Variants in SLIT2 observed in about 807,000 individuals in gnomAD.
The protein encoded by SLIT2 is slit guidance ligand 2, also known as slit homolog 2 protein.
SLIT2 carries 41 observed loss-of-function variants against 185.7 expected under a neutral mutation model. The ratio of observed to expected loss-of-function variants is 0.22; its 90% confidence interval spans 0.17 to 0.29. SLIT2 has a LOEUF of 0.29. Ranked by LOEUF, SLIT2 falls within the 10% of genes least tolerant of loss-of-function variation. The pLI is 1.00. For missense variants in SLIT2, 1,571 were observed against 1,909.0 expected, an observed-to-expected ratio of 0.82 and a Z score of 3.30; for synonymous variants, 693 against 680.2, an observed-to-expected ratio of 1.02 and a Z score of -0.29.
chr4:20,612,752 C>A (rs1578024177), intron 34 of SLIT2, among the ~76,000 whole-genome samples: 1 of 151,962 alleles, frequency 6.6e-6, no homozygotes, highest in African/African-American at 2.4e-5. Context: ...CCCGTCTCTA[C>A]TAAAAACTAC....
chr4:20,499,515 A>G (rs1281571334), intron 9 of SLIT2, among the ~76,000 whole-genome samples: 1 of 152,080 alleles, frequency 6.6e-6, no homozygotes, highest in Non-Finnish European at 1.5e-5. Flanking sequence ...TTTGAGACAG[A>G]GTCTCGCTCT....
At chr4:20,567,467 G>A (rs1028634461) in intron 27 of SLIT2, 51 bp from the exon 28 acceptor site, 1 of 1,609,460 alleles carries the variant, frequency 6.2e-7, no homozygotes, top group Non-Finnish European at 8.5e-7. Context: ...TGTGCTTTCT[G>A]TATGTGCCAA....
intron 4 of SLIT2, among the ~76,000 whole-genome samples, chr4:20,362,376 G>T (rs1445274923): frequency 1.3e-5 from 2 of 152,092 alleles, no homozygotes; most frequent in Admixed American, 6.6e-5. Context: ...CTCGGAAGAG[G>T]CAGGCTCTCA....
intron 4 of SLIT2, among the ~76,000 whole-genome samples, chr4:20,276,034 T>C: frequency 6.6e-6 from 1 of 152,132 alleles, no homozygotes; most frequent in East Asian, 1.9e-4. Flanking sequence ...ATTACTCTGT[T>C]AGCTTTGTAA....
chr4:20,618,349 G>A (rs965444076), intron 36 of SLIT2, among the ~76,000 whole-genome samples: 1 of 152,164 alleles, frequency 6.6e-6, no homozygotes, highest in Non-Finnish European at 1.5e-5. Flanking sequence ...TTAATGGAAT[G>A]TTACTTGTAT....
At chr4:20,472,263 T>TAG (rs1560452541) in intron 5 of SLIT2, among the ~76,000 whole-genome samples, 2 of 58,074 alleles carry the variant, frequency 3.4e-5, no homozygotes, top group Admixed American at 2.6e-4. Flanking sequence ...TAGATCTATA[T>TAG]ATAGATATAT....
At chr4:20,333,166 C>T (rs988149662) in intron 4 of SLIT2, among the ~76,000 whole-genome samples, 1 of 151,890 alleles carries the variant, frequency 6.6e-6, no homozygotes, top group Non-Finnish European at 1.5e-5. Context: ...AAATGAAAGC[C>T]GTTAAGCTTT....
chr4:20,374,179 G>A (rs1352555138), intron 4 of SLIT2, among the ~76,000 whole-genome samples: 4 of 152,170 alleles, frequency 2.6e-5, no homozygotes, highest in Admixed American at 2.6e-4. Flanking sequence ...AATTATATGC[G>A]ATGATACATG....
chr4:20,573,171 G>T (rs1415668358), intron 29 of SLIT2: 1 of 702,596 alleles, frequency 1.4e-6, no homozygotes, highest in Non-Finnish European at 2.6e-6. Flanking sequence ...TTGGCTTCCT[G>T]TGCTCTGCTG....
intron 9 of SLIT2, among the ~76,000 whole-genome samples, chr4:20,493,890 G>A (rs1718003098): frequency 6.6e-6 from 1 of 152,172 alleles, no homozygotes; most frequent in African/African-American, 2.4e-5. Flanking sequence ...AAGGCTTTCA[G>A]AATTAATGCA....
Position 20,511,107 on chromosome 4 carries a change from C to T in SLIT2, c.1028C>T (p.Ala343Val). 1 of 1,607,594 alleles carries T rather than the reference C, an allele frequency of 6.2e-7. No homozygotes were observed. Among genetic ancestry groups the T allele is most frequent in the Non-Finnish European group, 8.5e-7 (1 of 1,174,910 alleles). The change falls in exon 11 of 37, where the codon GCT (alanine) becomes GTT (valine). Residue 343 changes from alanine (A) to valine (V), a missense_variant. Coordinates refer to ENST00000504154, the MANE Select transcript of SLIT2 (RefSeq NM_004787.4). ...CAGATCTCTGAACTTGCACCAGATG[C>T]TTTCCAAGGACTACGCTCTCTGAAT... ...NNQISELAPD[A>V]FQGLRSLNSL...
Position 20,618,780 on chromosome 4 carries a change from G to C in SLIT2, c.4361G>C (p.Arg1454Pro), listed in dbSNP as rs764874840. 1 of 1,584,014 alleles carries C rather than the reference G, an allele frequency of 6.3e-7. No homozygotes were observed. Among genetic ancestry groups the C allele is most frequent in the Non-Finnish European group, 8.6e-7 (1 of 1,157,696 alleles). The part of the protein sequence containing the change: ...GDSCDREISC[R>P]GERIRDYYQK... Reference sequence around the variant, plus strand: ...TGTTCTTTTCTAGAAATCTCTTGTCGAGGGGAAAGGATAAGAGATTATTAC... The same window carrying C: ...TGTTCTTTTCTAGAAATCTCTTGTCCAGGGGAAAGGATAAGAGATTATTAC... Residue 1454 changes from arginine (R) to proline (P), a missense_variant, in exon 37 of 37, where the codon CGA (arginine) becomes CCA (proline). Coordinates refer to ENST00000504154, the MANE Select transcript of SLIT2 (RefSeq NM_004787.4).
intron 4 of SLIT2, among the ~76,000 whole-genome samples, chr4:20,382,387 C>G (rs1008277087): frequency 5.3e-5 from 8 of 152,072 alleles, no homozygotes; most frequent in Admixed American, 4.6e-4. Context: ...GAAAAAGAAG[C>G]AGTAGAGCCT....
At chr4:20,267,589 A>C (rs1713167061) in intron 3 of SLIT2, among the ~76,000 whole-genome samples, 1 of 151,868 alleles carries the variant, frequency 6.6e-6, no homozygotes, top group Admixed American at 6.6e-5. Flanking sequence ...GCTTGAATAC[A>C]TTTTGAGATA....
intron 4 of SLIT2, among the ~76,000 whole-genome samples, chr4:20,358,882 T>A (rs1722535071): frequency 6.6e-6 from 1 of 152,138 alleles, no homozygotes; most frequent in Admixed American, 6.6e-5. Context: ...GAATAATATA[T>A]TCACTGTGTG....
intron 4 of SLIT2, among the ~76,000 whole-genome samples, chr4:20,324,348 T>TGTTGTATTGGTGAGGTGCTGAC (rs1719367966): frequency 2.1e-5 from 3 of 139,950 alleles, no homozygotes; most frequent in African/African-American, 9.2e-5. Context: ...GAGGTGCTGA[T>TGTTGTATTGGTGAGGTGCTGAC]GTTGTATTGG....
chr4:20,341,524 C>T (rs556270124), intron 4 of SLIT2, among the ~76,000 whole-genome samples: 11 of 152,270 alleles, frequency 7.2e-5, no homozygotes, highest in East Asian at 5.8e-4. Context: ...TATTTCCACA[C>T]GAACCAGGAG....
chr4:20,574,911 A>ACAGTGTG (rs1353249511), intron 29 of SLIT2, among the ~76,000 whole-genome samples: 1 of 151,744 alleles, frequency 6.6e-6, no homozygotes. Context: ...ACTTACTCTT[A>ACAGTGTG]CAGTGTGCAG....
chr4:20,284,628 G>A (rs980388361), intron 4 of SLIT2, among the ~76,000 whole-genome samples: 3 of 152,140 alleles, frequency 2.0e-5, no homozygotes, highest in Non-Finnish European at 4.4e-5. Flanking sequence ...CAGTACACTT[G>A]TTCAGTCAAT....
Sources: gnomAD v4.1 joint callset for allele counts (sites outside exome capture counted in the v4.1 genomes callset) on GRCh38, gnomAD v4.1.1 for gene constraint, MANE v1.5 for transcripts, NCBI Gene and HGNC (gene_info 2026-07-23, HGNC 2026-07-21) for gene names.